POLR2F: variants seen among roughly 807,000 people sequenced by gnomAD.
The protein encoded by POLR2F is DNA-directed RNA polymerases I, II, and III subunit RPABC2.
A neutral mutation model predicts 22.7 loss-of-function variants in POLR2F; 12 were observed. The observed-to-expected ratio is 0.53, with a 90% CI of 0.34 to 0.86. The LOEUF is 0.86. Ranked by LOEUF, POLR2F falls within the 40% of genes least tolerant of loss-of-function variation. POLR2F has a pLI of 0.02. For missense variants in POLR2F, 126 were observed against 171.5 expected (o/e 0.73, Z 1.48); for synonymous variants, 57 against 66.0 (o/e 0.86, Z 0.66).
chr22:38,040,970 G>A (rs1028033084), intron 5 of POLR2F: 15 of 1,584,014 alleles, frequency 9.5e-6, no homozygotes, highest in South Asian at 2.2e-5. Context: ...CAACAGTGAC[G>A]TTGATCAAAG....
chr22:38,005,520 A>C (rs990556585), intron 1 of POLR2F, among the ~76,000 whole-genome samples: 3 of 152,244 alleles, frequency 2.0e-5, no homozygotes, highest in African/African-American at 7.2e-5. Context: ...CATCCTGGCC[A>C]GGTGGAGGAA....
chr22:37,990,575 G>A (rs1044695387), intron 1 of POLR2F, among the ~76,000 whole-genome samples: 6 of 152,268 alleles, frequency 3.9e-5, no homozygotes, highest in African/African-American at 1.4e-4. Flanking sequence ...ACTGGGAGGT[G>A]AGAGAGACCA....
At chr22:38,014,122 C>CAA (rs918824276) in intron 1 of POLR2F, among the ~76,000 whole-genome samples, 26 of 60,214 alleles carry the variant, frequency 4.3e-4, no homozygotes, top group African/African-American at 1.4e-3. Context: ...AACTCTGTCT[C>CAA]AAAAAAAAAA....
chr22:38,000,639 C>T (rs965502852), intron 1 of POLR2F, among the ~76,000 whole-genome samples: 2 of 152,186 alleles, frequency 1.3e-5, no homozygotes, highest in African/African-American at 4.8e-5. Context: ...TGGACACAGG[C>T]CCCACCCAGA....
At chr22:37,983,211 C>T (rs1049631420), upstream of POLR2F, 5 of 970,254 alleles carry the variant, frequency 5.2e-6, no homozygotes, top group East Asian at 2.6e-5. The surrounding 1 kb of genome is among the most constrained non-coding windows in gnomAD (Gnocchi z 9.5). Context: ...AGGGCGGGCG[C>T]GGCCCCCACA....
intron 1 of POLR2F, among the ~76,000 whole-genome samples, chr22:38,022,213 T>C (rs1177326542): frequency 6.6e-6 from 1 of 151,696 alleles, no homozygotes; most frequent in African/African-American, 2.4e-5. Context: ...TTATTAAATA[T>C]ATTTGGGTCC....
intron 1 of POLR2F, among the ~76,000 whole-genome samples, chr22:38,010,731 C>T (rs1601905854): frequency 6.6e-6 from 1 of 150,996 alleles, no homozygotes; most frequent in African/African-American, 2.4e-5. Flanking sequence ...ATTCTCCTGC[C>T]TCAGCCTCCC....
At chr22:38,025,885 T>C (rs1232807342) in exon 2 of POLR2F, 1 of 863,528 alleles carries the variant, frequency 1.2e-6, no homozygotes, top group South Asian at 1.3e-5. Flanking sequence ...GACCGTCTCT[T>C]CTCCCTCCTG....
rs962251845 is a variant in POLR2F at position 37,978,391 on chromosome 22, G to A, written c.293+11221G>A. Among the ~76,000 whole-genome samples the A allele has an allele frequency of 6.6e-6, 1 of 152,242 alleles. No individual in the cohort carries two copies. The highest frequency in any genetic ancestry group is 1.5e-5 in the Non-Finnish European group (1 of 68,032). ...TGGAGGGTGAGAGAGGGGTCAGCCC[G>A]CTGCTCCTGGCAGCCCCTGAGGAGG... On this transcript the variant is annotated intron_variant, in intron 4 of 4. Coordinates refer to the POLR2F transcript ENST00000405557. The surrounding 1 kb of genome is among the most constrained non-coding windows in gnomAD (Gnocchi z 5.0).
At chr22:38,030,462 G>A (rs1281118621), downstream of POLR2F, among the ~76,000 whole-genome samples, 2 of 146,554 alleles carry the variant, frequency 1.4e-5, no homozygotes, top group Admixed American at 1.4e-4. Context: ...TGGCTCTCGG[G>A]AGCCAGTGTG....
chr22:38,014,861 G>T, intron 1 of POLR2F, among the ~76,000 whole-genome samples: 2 of 144,194 alleles, frequency 1.4e-5, no homozygotes, highest in Non-Finnish European at 3.0e-5. Context: ...AGGCTGGAGT[G>T]CAGTGGCGCG....
chr22:38,030,595 A>C (rs1386078750), downstream of POLR2F, among the ~76,000 whole-genome samples: 3 of 152,174 alleles, frequency 2.0e-5, no homozygotes, highest in African/African-American at 7.2e-5. Context: ...GCCCGAGGAT[A>C]GAAAAGTACT....
At chr22:37,983,437 C>T (rs138681658), upstream of POLR2F, 33 of 1,612,246 alleles carry the variant, frequency 2.0e-5, no homozygotes, top group African/African-American at 3.3e-4. The surrounding 1 kb of genome is among the most constrained non-coding windows in gnomAD (Gnocchi z 9.5). Flanking sequence ...TGCGCGCTGC[C>T]TGAGCCCACA....
chr22:37,992,726 C>T (rs1229435377), intron 1 of POLR2F, among the ~76,000 whole-genome samples: 4 of 152,150 alleles, frequency 2.6e-5, no homozygotes, highest in Non-Finnish European at 4.4e-5. Flanking sequence ...TTAGTTATTG[C>T]TTCTTATCCT....
chr22:38,023,174 G>C (rs541842806), intron 1 of POLR2F, among the ~76,000 whole-genome samples: 3 of 152,330 alleles, frequency 2.0e-5, no homozygotes, highest in East Asian at 1.9e-4. Context: ...TGCCTCCAGA[G>C]TGGTTTTCCC....
chr22:37,958,288 A>G (rs1345799459), intron 2 of POLR2F: 1 of 148,846 alleles, frequency 6.7e-6, no homozygotes, highest in African/African-American at 2.5e-5. Context: ...TCCCGGGTTC[A>G]TGCCATTCTC....
Position 37,986,562 on chromosome 22 carries a change from C to G in POLR2F, c.120+250C>G, listed in dbSNP as rs753455910. 5 of 854,492 alleles carry G rather than the reference C, an allele frequency of 5.9e-6. No homozygotes were observed. The highest frequency in any genetic ancestry group is 5.7e-5 in the South Asian group (4 of 69,794). The allele number at this position is 854,492 out of a possible 1,614,324, so 52.9% of individuals were successfully genotyped here. A position where few individuals can be genotyped will look rare whatever the true frequency, so the allele number is the denominator to read the frequency against. ...ATGGGGGTGGGGGTAGCAGTGGGCA[C>G]GCTCTGTCTGCAGGAAGCCACGCTA... On this transcript the variant is annotated intron_variant, in intron 1 of 2. Coordinates refer to the POLR2F transcript ENST00000333418. The surrounding 1 kb of genome is among the most constrained non-coding windows in gnomAD (Gnocchi z 4.7).
chr22:38,012,453 G>A (rs1018576452), intron 1 of POLR2F, among the ~76,000 whole-genome samples: 5 of 152,100 alleles, frequency 3.3e-5, no homozygotes, highest in Non-Finnish European at 4.4e-5. Flanking sequence ...AAAAATTCCC[G>A]TATATCCTTT....
At chr22:37,979,057 A>G (rs1401277814) in intron 4 of POLR2F, among the ~76,000 whole-genome samples, 1 of 151,890 alleles carries the variant, frequency 6.6e-6, no homozygotes, top group Non-Finnish European at 1.5e-5. Flanking sequence ...GATTACAGGC[A>G]TGAGCCATTG....
Sources: allele counts gnomAD v4.1 joint callset (sites outside exome capture counted in the v4.1 genomes callset), GRCh38; gene constraint gnomAD v4.1.1; non-coding constraint Gnocchi (gnomAD v3.1); transcripts MANE v1.5; gene names NCBI Gene and HGNC (gene_info 2026-07-23, HGNC 2026-07-21).